BEND6: variants seen among roughly 807,000 people sequenced by gnomAD.
BEND6 encodes the protein BEN domain containing 6, also known as BEN domain-containing protein 6.
A neutral mutation model predicts 31.8 loss-of-function variants in BEND6; 24 were observed. The observed-to-expected ratio is 0.75, with a 90% CI of 0.55 to 1.06. BEND6 has a LOEUF of 1.06. Among genes scored for constraint, BEND6 ranks in the 50% least tolerant of loss-of-function variants. The pLI is 0.00. For missense variants in BEND6, 294 were observed against 327.4 expected (o/e 0.90, Z 0.79); for synonymous variants, 109 against 114.6 (o/e 0.95, Z 0.31).
chr6:56,994,457 CAAAAAAAAAAAAAAAA>C (rs67871242), intron 3 of BEND6, among the ~76,000 whole-genome samples: 4 of 54,858 alleles, frequency 7.3e-5, no homozygotes, highest in African/African-American at 3.5e-4. Flanking sequence ...GACTCCATCT[CAAAAAAAAAAAAAAAA>C]AAAAAAAAAA....
rs369847155 is a variant in BEND6 at position 56,977,472 on chromosome 6, A to C, written c.-100-4239A>C. ...GAATCTACTAAGATGTGTTACAAAT[A>C]TATATAGAGCAGAAAAATAATTAGA... On this transcript the variant is annotated intron_variant, in intron 1 of 6. Transcript: ENST00000370746. Among the ~76,000 whole-genome samples, 242 of 152,348 alleles carry C rather than the reference A, an allele frequency of 1.6e-3. 1 individual carries two copies. Among genetic ancestry groups the C allele is most frequent in the South Asian group, 7.9e-3 (38 of 4,826 alleles).
chr6:57,005,716 G>A (rs765899872), intron 3 of BEND6, among the ~76,000 whole-genome samples: 3 of 150,210 alleles, frequency 2.0e-5, no homozygotes, highest in Non-Finnish European at 3.0e-5. Context: ...CAAATGGGAA[G>A]AGAAGAGGCC....
intron 1 of BEND6, among the ~76,000 whole-genome samples, chr6:56,961,791 A>G (rs1825295234): frequency 1.3e-5 from 2 of 152,180 alleles, no homozygotes; most frequent in Admixed American, 1.3e-4. Flanking sequence ...CCCACATTCA[A>G]CAGTCTACTG....
intron 1 of BEND6, among the ~76,000 whole-genome samples, chr6:56,978,256 C>G (rs990798051): frequency 6.6e-6 from 1 of 152,028 alleles, no homozygotes; most frequent in Non-Finnish European, 1.5e-5. Context: ...GCACTCCAGC[C>G]TGGGTGAGAG....
chr6:57,000,886 A>G (rs1398778748), intron 3 of BEND6, among the ~76,000 whole-genome samples: 18 of 59,586 alleles, frequency 3.0e-4, no homozygotes, highest in Non-Finnish European at 5.6e-4. Flanking sequence ...CTTCCTCTGA[A>G]AAAAAAAAAA....
intron 3 of BEND6, among the ~76,000 whole-genome samples, chr6:57,014,290 C>G (rs1827452945): frequency 6.6e-6 from 1 of 152,122 alleles, no homozygotes; most frequent in Admixed American, 6.5e-5. Context: ...ATTTGCACAT[C>G]ATTAATTATT....
At chr6:57,012,613 A>G (rs1335585361) in intron 3 of BEND6, among the ~76,000 whole-genome samples, 1 of 152,220 alleles carries the variant, frequency 6.6e-6, no homozygotes, top group Non-Finnish European at 1.5e-5. Context: ...ATATTTTCCA[A>G]GAAGATTTAA....
Position 56,981,830 on chromosome 6 carries a change from C to A in BEND6, c.20C>A (p.Thr7Lys). The A allele has an allele frequency of 1.2e-6, 2 of 1,612,030 alleles. No homozygotes were observed. Among genetic ancestry groups the A allele is most frequent in the Non-Finnish European group, 1.7e-6 (2 of 1,179,144 alleles). The change falls in exon 2 of 7, where the codon ACA becomes AAA. Residue 7 changes from threonine (T) to lysine (K), a missense_variant. Coordinates refer to ENST00000370746, the MANE Select transcript of BEND6 (RefSeq NM_152731.3). MQKIVQ[T>K]DEITNTQAFR... is the part of the protein sequence containing the mutation. ...GAGAAAATGCAGAAGATCGTGCAGA[C>A]AGATGAAATTACCAATACACAAGCT...
chr6:56,996,053 C>A (rs1382750751), intron 3 of BEND6, among the ~76,000 whole-genome samples: 1 of 152,126 alleles, frequency 6.6e-6, no homozygotes, highest in African/African-American at 2.4e-5. Flanking sequence ...TTGTCTCATC[C>A]TCTAAATATT....
intron 1 of BEND6, among the ~76,000 whole-genome samples, chr6:56,963,920 C>T (rs201367684): frequency 2.1e-5 from 3 of 145,768 alleles, no homozygotes; most frequent in East Asian, 2.0e-4. Flanking sequence ...TAATATACTT[C>T]GTTATAAAAT....
At chr6:57,001,948 T>C (rs1232167460) in intron 3 of BEND6, among the ~76,000 whole-genome samples, 1 of 152,176 alleles carries the variant, frequency 6.6e-6, no homozygotes, top group Non-Finnish European at 1.5e-5. Flanking sequence ...CAGAGTGGCA[T>C]GTTGGATTTA....
At chr6:57,003,233 G>T (rs1193044612) in intron 3 of BEND6, among the ~76,000 whole-genome samples, 1 of 152,150 alleles carries the variant, frequency 6.6e-6, no homozygotes. Context: ...GGGCACAGTG[G>T]CTCATGCCTG....
intron 1 of BEND6, among the ~76,000 whole-genome samples, chr6:56,964,833 G>A (rs1825412748): frequency 6.6e-6 from 1 of 152,158 alleles, no homozygotes; most frequent in African/African-American, 2.4e-5. Flanking sequence ...CTCGACGTTA[G>A]GTTGCATACT....
At chr6:56,990,678 TTTGGA>T (rs1826463500) in intron 2 of BEND6, among the ~76,000 whole-genome samples, 1 of 152,210 alleles carries the variant, frequency 6.6e-6, no homozygotes, top group South Asian at 2.1e-4. Context: ...TTAGCATTGC[TTTGGA>T]TATTCTTGGC....
intron 3 of BEND6, among the ~76,000 whole-genome samples, chr6:56,993,406 C>T (rs1251028999): frequency 6.6e-6 from 1 of 152,156 alleles, no homozygotes; most frequent in Non-Finnish European, 1.5e-5. Context: ...GAAAGTGAGG[C>T]AGAACCACCA....
At chr6:56,967,367 G>T (rs1043371585) in intron 1 of BEND6, among the ~76,000 whole-genome samples, 1 of 152,168 alleles carries the variant, frequency 6.6e-6, no homozygotes, top group African/African-American at 2.4e-5. Context: ...GAAAGGCATG[G>T]TTATTGCAAC....
intron 3 of BEND6, among the ~76,000 whole-genome samples, chr6:56,995,509 G>C (rs1826673149): frequency 6.6e-6 from 1 of 152,140 alleles, no homozygotes; most frequent in South Asian, 2.1e-4. Flanking sequence ...TCTGTCACCT[G>C]TCTGGAGTTT....
At chr6:56,976,516 A>G (rs1485528817) in intron 1 of BEND6, among the ~76,000 whole-genome samples, 2 of 150,688 alleles carry the variant, frequency 1.3e-5, no homozygotes, top group Non-Finnish European at 3.0e-5. Flanking sequence ...TCTAAGGCAG[A>G]GTGGAGTGTA....
intron 1 of BEND6, among the ~76,000 whole-genome samples, chr6:56,962,895 T>TA (rs1438384838): frequency 6.6e-6 from 1 of 152,220 alleles, no homozygotes; most frequent in African/African-American, 2.4e-5. Flanking sequence ...GTGGACCACC[T>TA]AGTTATCTGT....
Sources: gnomAD v4.1 joint callset for allele counts (sites outside exome capture counted in the v4.1 genomes callset) on GRCh38, gnomAD v4.1.1 for gene constraint, MANE v1.5 for transcripts, NCBI Gene and HGNC (gene_info 2026-07-23, HGNC 2026-07-21) for gene names.